Variants in SGCZ observed in about 807,000 individuals in gnomAD.
SGCZ encodes zeta-sarcoglycan.
In SGCZ, 40 loss-of-function variants were observed where a neutral mutation model predicts 41.3. The ratio of observed to expected loss-of-function variants is 0.97; its 90% CI spans 0.75 to 1.26. The LOEUF (loss-of-function observed/expected upper bound fraction) is 1.26, where lower values mean the gene tolerates loss of function less well. SGCZ is among the 50% of genes most tolerant of loss of function. The pLI, the probability that SGCZ is intolerant of heterozygous loss-of-function variation, is 0.00. For missense variants in SGCZ, 552 were observed against 369.8 expected (o/e 1.49, Z -4.04); for synonymous variants, 206 against 137.5 (o/e 1.50, Z -3.49).
chr8:14,651,647 T>C (rs1353800669), intron 1 of SGCZ, among the ~76,000 whole-genome samples: 3 of 152,078 alleles, frequency 2.0e-5, no homozygotes, highest in Non-Finnish European at 2.9e-5. Context: ...ATGGACAATT[T>C]TTATGCACAA....
chr8:14,510,849 T>G lies in SGCZ; in HGVS notation c.234+43883A>C, dbSNP rs548252628. ...ATAAGCCTTTTGCCAGTTTTACAAC[T>G]GAGAAATGTCTTCATTAAGGACTTG... is the stretch of plus-strand genomic sequence containing the variant. On this transcript the variant is annotated intron_variant, in intron 2 of 7. Coordinates refer to ENST00000382080, the MANE Select transcript of SGCZ (RefSeq NM_139167.4). Among the ~76,000 whole-genome samples, 13 of 152,206 alleles carry G rather than the reference T, an allele frequency of 8.5e-5. No homozygotes were observed. The South Asian group carries it at 2.5e-3, about 29-fold the overall frequency.
intron 1 of SGCZ, among the ~76,000 whole-genome samples, chr8:14,711,390 G>A (rs2117624794): frequency 7.0e-6 from 1 of 142,056 alleles, no homozygotes; most frequent in South Asian, 2.2e-4. Context: ...AGGAGTTCGA[G>A]ACCAGCCTGG....
At chr8:14,752,937 G>A (rs1799544263) in intron 1 of SGCZ, among the ~76,000 whole-genome samples, 1 of 152,146 alleles carries the variant, frequency 6.6e-6, no homozygotes, top group South Asian at 2.1e-4. Flanking sequence ...AAGTAACTCT[G>A]AAATAGTAGG....
At chr8:14,137,831 G>A (rs1007927268) in intron 5 of SGCZ, among the ~76,000 whole-genome samples, 21 of 151,958 alleles carry the variant, frequency 1.4e-4, no homozygotes, top group African/African-American at 3.9e-4. Context: ...TACAGAGAAC[G>A]CCACAAAGAT....
intron 2 of SGCZ, among the ~76,000 whole-genome samples, chr8:14,537,488 G>A (rs1025120641): frequency 6.6e-6 from 1 of 151,664 alleles, no homozygotes; most frequent in African/African-American, 2.4e-5. Flanking sequence ...TTCAATATTT[G>A]GCCTCATTCT....
chr8:14,352,841 G>C (rs1365685667), intron 2 of SGCZ, among the ~76,000 whole-genome samples: 1 of 151,966 alleles, frequency 6.6e-6, no homozygotes, highest in African/African-American at 2.4e-5. Flanking sequence ...ATATTTTTAG[G>C]TGTCTTTTAA....
chr8:15,212,685 T>TA (rs1348850019), intron 1 of SGCZ, among the ~76,000 whole-genome samples: 1 of 152,100 alleles, frequency 6.6e-6, no homozygotes, highest in Non-Finnish European at 1.5e-5. Context: ...TTTGGCATCT[T>TA]AGTTAATAGG....
At chr8:14,782,346 C>G (rs1035404320) in intron 1 of SGCZ, among the ~76,000 whole-genome samples, 1 of 152,128 alleles carries the variant, frequency 6.6e-6, no homozygotes, top group Non-Finnish European at 1.5e-5. Flanking sequence ...ACTCATCTCC[C>G]CAGGAACCTG....
intron 7 of SGCZ, among the ~76,000 whole-genome samples, chr8:14,099,364 T>C (rs1396223805): frequency 6.6e-6 from 1 of 152,200 alleles, no homozygotes; most frequent in African/African-American, 2.4e-5. Flanking sequence ...GTCCAGTGTC[T>C]TTCCTCTACC....
intron 1 of SGCZ, among the ~76,000 whole-genome samples, chr8:15,029,977 A>G (rs886584726): frequency 6.6e-6 from 1 of 152,178 alleles, no homozygotes; most frequent in African/African-American, 2.4e-5. Context: ...ATTCAACAAA[A>G]GTCCCAAGTA....
chr8:14,216,579 A>C (rs1806000625), intron 4 of SGCZ, among the ~76,000 whole-genome samples: 1 of 152,214 alleles, frequency 6.6e-6, no homozygotes, highest in Non-Finnish European at 1.5e-5. Context: ...ACTTAGCGGG[A>C]TTTATTCTAG....
intron 2 of SGCZ, among the ~76,000 whole-genome samples, chr8:14,540,220 A>ATTTTTTTT (rs11428713): frequency 2.1e-5 from 1 of 48,718 alleles, no homozygotes; most frequent in African/African-American, 8.1e-5. Flanking sequence ...TCTCTGCTTA[A>ATTTTTTTT]TTTTTTTTTT....
At chr8:14,133,215 G>A (rs963251182) in intron 5 of SGCZ, among the ~76,000 whole-genome samples, 2 of 152,056 alleles carry the variant, frequency 1.3e-5, no homozygotes, top group Non-Finnish European at 2.9e-5. Flanking sequence ...TTTCTCAATC[G>A]CCCACCCCGT....
chr8:14,237,059 G>C (rs1466621833), intron 4 of SGCZ, among the ~76,000 whole-genome samples: 1 of 151,920 alleles, frequency 6.6e-6, no homozygotes, highest in Non-Finnish European at 1.5e-5. Context: ...CAATTTATTA[G>C]AAAATATTTC....
intron 1 of SGCZ, among the ~76,000 whole-genome samples, chr8:15,072,613 C>G (rs1241070350): frequency 1.3e-5 from 2 of 152,044 alleles, no homozygotes; most frequent in Non-Finnish European, 2.9e-5. Flanking sequence ...AAATTTGGGA[C>G]AGAGGCCAGG....
chr8:15,011,988 T>C (rs2130927472), intron 1 of SGCZ, among the ~76,000 whole-genome samples: 2 of 152,302 alleles, frequency 1.3e-5, no homozygotes, highest in South Asian at 4.1e-4. Flanking sequence ...AGTAGCTCTA[T>C]TAGAAGGTCA....
At chr8:14,702,529 G>T (rs1167201274) in intron 1 of SGCZ, among the ~76,000 whole-genome samples, 2 of 151,738 alleles carry the variant, frequency 1.3e-5, no homozygotes, top group African/African-American at 4.8e-5. Context: ...ACTTCCACAT[G>T]AATAACTAAA....
intron 2 of SGCZ, among the ~76,000 whole-genome samples, chr8:14,386,522 T>C (rs1184564041): frequency 6.6e-6 from 1 of 152,152 alleles, no homozygotes; most frequent in Non-Finnish European, 1.5e-5. Flanking sequence ...ATTTTCTTTC[T>C]TTTTCTCTAA....
At chr8:14,393,016 AC>A (rs1804831123) in intron 2 of SGCZ, among the ~76,000 whole-genome samples, 1 of 152,148 alleles carries the variant, frequency 6.6e-6, no homozygotes, top group Admixed American at 6.6e-5. Flanking sequence ...TACTGGTAAT[AC>A]CCTCAGTAAT....
Sources: gnomAD v4.1 joint callset for allele counts (sites outside exome capture counted in the v4.1 genomes callset) on GRCh38, gnomAD v4.1.1 for gene constraint, MANE v1.5 for transcripts, NCBI Gene and HGNC (gene_info 2026-07-23, HGNC 2026-07-21) for gene names.